Variants in LRRC72 observed in about 807,000 individuals in gnomAD.
LRRC72 encodes the protein leucine rich repeat containing 72.
Under a neutral mutation model 35.8 loss-of-function variants are expected in LRRC72, and 41 were observed. The ratio of observed to expected loss-of-function variants is 1.15; its 90% CI spans 0.89 to 1.49. The LOEUF is 1.49. LRRC72 is among the 40% of genes most tolerant of loss of function. LRRC72 has a pLI of 0.00. For synonymous variants in LRRC72, 118 were observed against 119.2 expected (o/e 0.99, Z 0.07); for missense variants, 389 against 330.7 (o/e 1.18, Z -1.37).
At chr7:16,558,453 T>C (rs891185002) in intron 4 of LRRC72, among the ~76,000 whole-genome samples, 2 of 151,930 alleles carry the variant, frequency 1.3e-5, no homozygotes, top group Non-Finnish European at 2.9e-5. Flanking sequence ...CTACTAAAAA[T>C]ACAAAAATGA....
chr7:16,580,946 T>C (rs981695020), intron 8 of LRRC72, among the ~76,000 whole-genome samples: 10 of 152,154 alleles, frequency 6.6e-5, no homozygotes, highest in African/African-American at 2.4e-4. Flanking sequence ...TTATAAAATA[T>C]GGCATAATGT....
chr7:16,551,994 T>G (rs1419963655), intron 3 of LRRC72, among the ~76,000 whole-genome samples: 1 of 152,138 alleles, frequency 6.6e-6, no homozygotes, highest in African/African-American at 2.4e-5. Context: ...TCCAGGGAGA[T>G]GGTGCAGAAA....
At chr7:16,540,549 G>A (rs1782339227) in intron 3 of LRRC72, among the ~76,000 whole-genome samples, 1 of 152,166 alleles carries the variant, frequency 6.6e-6, no homozygotes, top group Non-Finnish European at 1.5e-5. Context: ...TGAGATTTGG[G>A]AGGGGACAGA....
chr7:16,542,820 G>A (rs1470501623), intron 3 of LRRC72, among the ~76,000 whole-genome samples: 2 of 152,172 alleles, frequency 1.3e-5, no homozygotes, highest in African/African-American at 2.4e-5. Flanking sequence ...GCCCTAAGTA[G>A]TTCCTAGTTT....
At position 16,566,368 on chromosome 7, in the gene LRRC72, C is replaced by T. The variant is rs536894076; in HGVS notation, c.483C>T (p.Tyr161=). Residue 161 remains tyrosine (Y), a synonymous_variant, in exon 6 of 9, where the codon TAC becomes TAT. Transcript: ENST00000401542. ...ACCTGTATCGTTTATATATCATCTA[C>T]CACCTTCCAGGAGTGGAGCTGCTTG... ...QYNLYRLYII[Y]HLPGVELLDR... is the part of the protein sequence containing the mutation. 1.1e-5 allele frequency: 17 copies of T among 1,547,338 alleles called. No individual in the cohort carries two copies. The highest frequency in any genetic ancestry group is 1.5e-5 in the Non-Finnish European group (17 of 1,145,752).
intron 3 of LRRC72, among the ~76,000 whole-genome samples, chr7:16,542,090 G>A (rs1782367789): frequency 6.6e-6 from 1 of 152,218 alleles, no homozygotes; most frequent in South Asian, 2.1e-4. Flanking sequence ...GTGGTGTCCA[G>A]TTTGGAGGGA....
chr7:16,573,888 T>A (rs1341029113), intron 7 of LRRC72, among the ~76,000 whole-genome samples: 1 of 151,988 alleles, frequency 6.6e-6, no homozygotes, highest in Non-Finnish European at 1.5e-5. Flanking sequence ...AGGAGAAAAT[T>A]TTTTCAATCC....
intron 4 of LRRC72, 51 bp from the exon 5 acceptor site, chr7:16,558,834 AAAAT>A: frequency 8.7e-7 from 1 of 1,150,904 alleles, no homozygotes; most frequent in Non-Finnish European, 1.2e-6. Flanking sequence ...TTGCAATAAA[AAAAT>A]AAACTGAAAA....
chr7:16,547,190 G>T (rs930092392), intron 3 of LRRC72, among the ~76,000 whole-genome samples: 2 of 152,180 alleles, frequency 1.3e-5, no homozygotes, highest in Admixed American at 1.3e-4. Flanking sequence ...TGGAGGGGAG[G>T]TGGAAAGGCC....
intron 7 of LRRC72, among the ~76,000 whole-genome samples, chr7:16,577,976 T>C (rs6980221): frequency 0.077 from 11,741 of 152,242 alleles, 493 homozygotes; most frequent in African/African-American, 0.11. Flanking sequence ...TCCACCAACA[T>C]ATAAAATGTG....
intron 1 of LRRC72, among the ~76,000 whole-genome samples, chr7:16,531,423 C>G (rs1250342782): frequency 6.6e-6 from 1 of 152,176 alleles, no homozygotes; most frequent in Non-Finnish European, 1.5e-5. Flanking sequence ...CTCTCCATCA[C>G]TAGCGTACCT....
In LRRC72 at chr7:16,557,374, A is replaced by G. The variant is rs1217916368; in HGVS notation, c.249A>G (p.Thr83=). The G allele has an allele frequency of 6.9e-6, 9 of 1,311,014 alleles. No individual in the cohort carries two copies. In the East Asian group the frequency reaches 2.7e-4, roughly 39 times the overall value. 81.2% of individuals were successfully genotyped at this position (1,311,014 alleles called of 1,614,324 possible). Residue 83 remains threonine, a synonymous_variant, in exon 4 of 9, where the codon ACA becomes ACG. Coordinates refer to ENST00000401542, the MANE Select transcript of LRRC72 (RefSeq NM_001195280.2). The stretch of plus-strand genomic sequence containing the variant: ...CTCATTTTTAGCTCCATGGAATAAC[A>G]TTTCTAACTAGAAACTATTGTCTGA... ...WLHHNKLHGI[T]FLTRNYCLTE...
intron 3 of LRRC72, among the ~76,000 whole-genome samples, chr7:16,538,127 A>G (rs529299369): frequency 2.0e-5 from 3 of 152,320 alleles, no homozygotes; most frequent in South Asian, 4.1e-4. Context: ...GTCAATCTTC[A>G]ATCACAAATA....
chr7:16,541,829 T>G (rs948095664), intron 3 of LRRC72, among the ~76,000 whole-genome samples: 2 of 152,182 alleles, frequency 1.3e-5, no homozygotes. Flanking sequence ...GAAAATTGCT[T>G]GAACTCGGGA....
intron 3 of LRRC72, among the ~76,000 whole-genome samples, chr7:16,550,317 C>G (rs1782527400): frequency 6.6e-6 from 1 of 152,164 alleles, no homozygotes; most frequent in East Asian, 1.9e-4. Context: ...CATAATATCT[C>G]TAAATCGATG....
At chr7:16,567,344 G>C (rs919196157) in intron 6 of LRRC72, 47 bp from the exon 7 acceptor site, 14 of 1,227,888 alleles carry the variant, frequency 1.1e-5, no homozygotes, top group Non-Finnish European at 1.5e-5. Context: ...GAATCACTCC[G>C]CCTATTTATA....
intron 6 of LRRC72, among the ~76,000 whole-genome samples, 168 bp downstream of exon 6, chr7:16,566,570 C>T (rs1182956019): frequency 6.6e-6 from 1 of 152,152 alleles, no homozygotes; most frequent in African/African-American, 2.4e-5. Context: ...AAGACTTGCT[C>T]TCTAAAATTT....
chr7:16,543,475 T>C (rs755424894), intron 3 of LRRC72, among the ~76,000 whole-genome samples: 1 of 152,240 alleles, frequency 6.6e-6, no homozygotes, highest in Non-Finnish European at 1.5e-5. Context: ...ATGAGGTCAT[T>C]ATTTGTTGTC....
chr7:16,536,967 G>C (rs1315043066), intron 2 of LRRC72: 2 of 152,108 alleles, frequency 1.3e-5, no homozygotes, highest in Non-Finnish European at 2.9e-5. Flanking sequence ...CAATCAAATG[G>C]ACCAACTATC....
Sources: allele counts gnomAD v4.1 joint callset (sites outside exome capture counted in the v4.1 genomes callset), GRCh38; gene constraint gnomAD v4.1.1; transcripts MANE v1.5; gene names NCBI Gene and HGNC (gene_info 2026-07-23, HGNC 2026-07-21).